Variants in ZAN observed in about 807,000 individuals in gnomAD.
The protein encoded by ZAN is zonadhesin (gene/pseudogene).
In ZAN, 260 loss-of-function variants were observed where a neutral mutation model predicts 286.2. The ratio of observed to expected loss-of-function variants is 0.91; its 90% CI spans 0.82 to 1.01. The LOEUF is 1.01. Among genes scored for constraint, ZAN ranks in the 50% least tolerant of loss-of-function variants. The probability of loss-of-function intolerance (pLI) is 0.00; values close to 1 mark genes in which losing one functional copy is unlikely to be tolerated. For synonymous variants in ZAN, 1,368 were observed against 1,417.5 expected, an observed-to-expected ratio of 0.97 and a Z score of 0.79; for missense variants, 3,410 against 3,639.2, an observed-to-expected ratio of 0.94 and a Z score of 1.62.
chr7:100,787,866 C>T, intron 37 of ZAN, 23 bp from the exon 38 acceptor site: 1 of 1,472,130 alleles, frequency 6.8e-7, no homozygotes, highest in Non-Finnish European at 9.2e-7. Context: ...CCGGCCCCTT[C>T]TCACTGTCTG....
At chr7:100,784,428 G>A (rs1811426067) in intron 35 of ZAN, among the ~76,000 whole-genome samples, 195 bp from the exon 36 acceptor site, 2 of 151,808 alleles carry the variant, frequency 1.3e-5, no homozygotes, top group South Asian at 2.1e-4. Context: ...ATGCCCAGCC[G>A]CTTTTTCCTT....
chr7:100,751,232 G>C lies in ZAN; in HGVS notation c.1572G>C (p.Met524Ile). 6.2e-7 allele frequency: 1 copy of C among 1,609,490 alleles called. No homozygotes were observed. The highest frequency in any genetic ancestry group is 1.1e-5 in the South Asian group (1 of 90,310). Residue 524 changes from methionine to isoleucine, a missense_variant, in exon 13 of 48, where the codon ATG (methionine) becomes ATC (isoleucine). Met to Ile is a conservative substitution (Grantham distance 10, BLOSUM62 1). Transcript: ENST00000613979. ...QGSNTASVVA[M>I]GFILINPGTC... Reference sequence around the variant, plus strand: ...GCAACACGGCCTCTGTGGTTGCTATGGGTTTCATCTTGATCAATCCTGGGA... The same window carrying C: ...GCAACACGGCCTCTGTGGTTGCTATCGGTTTCATCTTGATCAATCCTGGGA...
At chr7:100,768,745 AGG>A in intron 27 of ZAN, 24 bp downstream of exon 27, 1 of 1,564,090 alleles carries the variant, frequency 6.4e-7, no homozygotes, top group Non-Finnish European at 8.7e-7. Flanking sequence ...CAGGGGAGCC[AGG>A]CAGGAGGGGC....
Position 100,792,143 on chromosome 7 carries a change from C to G in ZAN, c.7707C>G (p.Phe2569Leu). 1 of 1,606,292 alleles carries G rather than the reference C, an allele frequency of 6.2e-7. No individual in the cohort carries two copies. The highest frequency in any genetic ancestry group is 8.5e-7 in the Non-Finnish European group (1 of 1,176,566). Reference protein sequence around the residue: ...ACHQTVAPEPFQEHCVLDLCS... With the variant: ...ACHQTVAPEPLQEHCVLDLCS... ...ACCAGACGGTGGCCCCAGAGCCCTTCCAAGAGTGAGTCATGGGCCCAGGAC... is the reference window on the plus strand; with the variant it reads ...ACCAGACGGTGGCCCCAGAGCCCTTGCAAGAGTGAGTCATGGGCCCAGGAC... Residue 2569 changes from phenylalanine to leucine, a missense_variant, in exon 41 of 48, where the codon TTC becomes TTG. Around this residue, in one of 7 missense-constraint regions of ZAN, gnomAD observed 1,289 missense variants for 1,314.3 expected, o/e 0.98. Coordinates refer to ENST00000613979, the MANE Select transcript of ZAN (RefSeq NM_003386.3).
At chr7:100,782,795 C>A (rs936427405) in intron 35 of ZAN, among the ~76,000 whole-genome samples, 1 of 152,002 alleles carries the variant, frequency 6.6e-6, no homozygotes, top group African/African-American at 2.4e-5. Context: ...GGCTAGCCAG[C>A]TGTTCCAATA....
At chr7:100,772,248 A>G (rs1259261580) in intron 29 of ZAN, among the ~76,000 whole-genome samples, 1 of 151,486 alleles carries the variant, frequency 6.6e-6, no homozygotes, top group African/African-American at 2.4e-5. Context: ...CCTGGTCAAC[A>G]TGGTGAAACC....
rs115968642 is a variant in ZAN at position 100,791,739 on chromosome 7, T to G, written c.7530-227T>G. 3.7e-3 allele frequency among the ~76,000 whole-genome samples: 567 copies of G among 151,960 alleles called. 3 individuals carry two copies. The highest frequency in any genetic ancestry group is 0.013 in the African/African-American group (522 of 41,450). On this transcript the variant is annotated intron_variant, in intron 40 of 47. Transcript: ENST00000613979. ...TTCTTATTTCTTTTTTTAAAATATA[T>G]TTTTTAGAGACCGGGTCGTGCTCTG...
Position 100,795,250 on chromosome 7 carries a change from G to A in ZAN, c.8180G>A (p.Gly2727Glu). 6.2e-7 allele frequency: 1 copy of A among 1,611,356 alleles called. No individual in the cohort carries two copies. The highest frequency in any genetic ancestry group is 1.1e-5 in the South Asian group (1 of 90,714). Residue 2727 changes from glycine (G) to glutamate (E), a missense_variant, in exon 45 of 48, where the codon GGA (glycine) becomes GAA (glutamate). Physicochemically the swap from Gly to Glu is moderately conservative, Grantham distance 98 (BLOSUM62 -2). This residue lies in a region of ZAN where 1,289 missense variants were observed against 1,314.3 expected (regional missense o/e 0.98). Coordinates refer to ENST00000613979, the MANE Select transcript of ZAN (RefSeq NM_003386.3). ...AATGACGGGCAGTGTCGGGAGCAGG[G>A]AGCCACCTTCACCTGCGAGTGTGAA... ...CQNDGQCREQ[G>E]ATFTCECEVG... is the part of the protein sequence containing the mutation.
Position 100,744,401 on chromosome 7 carries a change from C to T in ZAN, c.767-2137C>T, listed in dbSNP as rs137936183. Among the ~76,000 whole-genome samples, 595 of 150,762 alleles carry T rather than the reference C, an allele frequency of 3.9e-3. 7 individuals are homozygous for T. Among genetic ancestry groups the T allele is most frequent in the Non-Finnish European group, 6.1e-3 (415 of 67,648 alleles). ...ATCACCAGAGGTCAGGAGTCCGAGA[C>T]CAGCCTGGCCAACATAGCGAAACCC... On this transcript the variant is annotated intron_variant, in intron 7 of 47. Transcript: ENST00000613979.
intron 27 of ZAN, among the ~76,000 whole-genome samples, chr7:100,769,394 C>G (rs927785998): frequency 3.2e-4 from 48 of 151,716 alleles, no homozygotes; most frequent in Admixed American, 1.6e-3. Flanking sequence ...GCACACAGCC[C>G]CCTGTCCACT....
intron 36 of ZAN, among the ~76,000 whole-genome samples, 160 bp from the exon 37 acceptor site, chr7:100,785,837 T>A (rs1300777017): frequency 6.6e-6 from 1 of 152,076 alleles, no homozygotes; most frequent in Non-Finnish European, 1.5e-5. Context: ...TTTTGTATTT[T>A]TAGTAGAGAC....
intron 7 of ZAN, among the ~76,000 whole-genome samples, chr7:100,746,050 C>T (rs1390286785): frequency 1.3e-5 from 2 of 151,450 alleles, no homozygotes; most frequent in Admixed American, 6.6e-5. Context: ...GTGGTGAAAC[C>T]CTATCTTTTC....
At position 100,750,753 on chromosome 7, in the gene ZAN, G is replaced by C; in HGVS notation, c.1378G>C (p.Gly460Arg). 1 of 1,613,210 alleles carries C rather than the reference G, an allele frequency of 6.2e-7. No homozygotes were observed. Among genetic ancestry groups the C allele is most frequent in the Non-Finnish European group, 8.5e-7 (1 of 1,179,638 alleles). ...VEFAYHMYGL[G>R]EGTMLELLLG... ...GTTCGCATACCACATGTATGGCCTT[G>C]GGGAGGGTACTATGCTCGAACTCCT... Residue 460 changes from glycine to arginine, a missense_variant, in exon 12 of 48, where the codon GGG becomes CGG. This residue lies in a region of ZAN where 872 missense variants were observed against 938.9 expected (regional missense o/e 0.93). Transcript: ENST00000613979.
chr7:100,746,775 T>C, intron 8 of ZAN, 73 bp downstream of exon 8: 1 of 1,529,682 alleles, frequency 6.5e-7, no homozygotes, highest in Non-Finnish European at 9.0e-7. Context: ...TGGGGAAACA[T>C]GGGGCATCCC....
chr7:100,770,286 C>T (rs371747826), intron 28 of ZAN, among the ~76,000 whole-genome samples: 26 of 151,652 alleles, frequency 1.7e-4, no homozygotes, highest in African/African-American at 5.1e-4. Flanking sequence ...GGGCAGATCC[C>T]GAGGTCAGGA....
intron 44 of ZAN, 106 bp from the exon 45 acceptor site, chr7:100,795,090 G>A (rs1812260900): frequency 1.4e-6 from 2 of 1,420,882 alleles, no homozygotes; most frequent in Non-Finnish European, 1.9e-6. Context: ...CCAGTCTCTG[G>A]CAGCCGCTGC....
At chr7:100,796,962 C>A (rs1050925401) in intron 45 of ZAN, among the ~76,000 whole-genome samples, 11 of 151,974 alleles carry the variant, frequency 7.2e-5, no homozygotes, top group Non-Finnish European at 1.6e-4. Flanking sequence ...ATAGCAAGAC[C>A]CCATCTCTAC....
intron 22 of ZAN, among the ~76,000 whole-genome samples, chr7:100,764,537 G>A (rs1262446118): frequency 1.4e-5 from 2 of 146,024 alleles, no homozygotes; most frequent in Non-Finnish European, 3.0e-5. Context: ...TAAAAATACA[G>A]AAATTAGCTG....
rs770091835 is a variant in ZAN at position 100,760,464 on chromosome 7, T to C, written c.3770T>C (p.Val1257Ala). 6 of 1,613,828 alleles carry C rather than the reference T, an allele frequency of 3.7e-6. No individual in the cohort carries two copies. In the South Asian group the frequency reaches 6.6e-5, roughly 18 times the overall value. Residue 1257 changes from valine (V) to alanine (A), a missense_variant, in exon 19 of 48, where the codon GTG (valine) becomes GCG (alanine). Val to Ala is a moderately conservative substitution (Grantham distance 64). Coordinates refer to ENST00000613979, the MANE Select transcript of ZAN (RefSeq NM_003386.3). The stretch of plus-strand genomic sequence containing the variant: ...TTCCTGGGTGCAAGCGGGCGGTTTG[T>C]GGAGCTGCAGACGGAGTTCGGTTTG... The part of the protein sequence containing the change: ...GVFLGASGRF[V>A]ELQTEFGLRV...
Sources: gnomAD v4.1 joint callset for allele counts (sites outside exome capture counted in the v4.1 genomes callset) on GRCh38, gnomAD v4.1.1 for gene constraint, gnomAD v4.1.1 regional missense constraint, MANE v1.5 for transcripts, NCBI Gene and HGNC (gene_info 2026-07-23, HGNC 2026-07-21) for gene names.